The following NMBR variants were observed in gnomAD, a reference collection of about 807,000 sequenced individuals.
The protein encoded by NMBR is neuromedin-B receptor.
In NMBR, 16 loss-of-function variants were observed where a neutral mutation model predicts 20.5. That is an observed-to-expected ratio of 0.78 (90% CI 0.53 to 1.19). NMBR has a LOEUF of 1.19. Among genes scored for constraint, NMBR ranks in the 50% most tolerant of loss-of-function variants. The probability of loss-of-function intolerance (pLI) is 0.00; values close to 1 mark genes in which losing one functional copy is unlikely to be tolerated. For missense variants in NMBR, 582 were observed against 499.1 expected, an observed-to-expected ratio of 1.17 and a Z score of -1.58; for synonymous variants, 212 against 196.6, an observed-to-expected ratio of 1.08 and a Z score of -0.65.
rs141953652 is a variant in NMBR at position 142,147,070 on chromosome 6, G to A, written c.-690C>T. On this transcript the variant is annotated 5_prime_UTR_variant, in exon 1 of 4. Coordinates refer to ENST00000258042, the MANE Select transcript of NMBR (RefSeq NM_002511.4). ...AGCAGAGAGCGCTAGCGCCATGCGC[G>A]GCATAAGCGCCAAAATGCTCGGGTC... 30 of 560,956 alleles carry A rather than the reference G, an allele frequency of 5.3e-5. No homozygotes were observed. The highest frequency in any genetic ancestry group is 9.0e-5 in the Non-Finnish European group (28 of 311,622). 34.7% of individuals were successfully genotyped at this position (560,956 alleles called of 1,614,324 possible). A position where few individuals can be genotyped will look rare whatever the true frequency, so the allele number is the denominator to read the frequency against.
chr6:142,133,175 T>C (rs1778175512), intron 1 of NMBR: 1 of 685,938 alleles, frequency 1.5e-6, no homozygotes. Context: ...CTAAATTACA[T>C]CAAAAACTTC....
intron 1 of NMBR, among the ~76,000 whole-genome samples, chr6:142,145,735 G>A (rs942006364): frequency 2.0e-5 from 3 of 152,190 alleles, no homozygotes; most frequent in East Asian, 3.8e-4. Context: ...TGAATAGAGC[G>A]AGAGAAGTTT....
chr6:142,105,351 T>C (rs1255950670), intron 1 of NMBR, among the ~76,000 whole-genome samples: 1 of 152,214 alleles, frequency 6.6e-6, no homozygotes, highest in Admixed American at 6.5e-5. Flanking sequence ...CAATTAATAC[T>C]ATGTAAAATT....
At position 142,134,467 on chromosome 6, in the gene NMBR, T is replaced by C. The variant is rs1778209119; in HGVS notation, c.-664+12577A>G. The C allele has an allele frequency of 1.5e-5, 7 of 459,012 alleles. No homozygotes were observed. In the East Asian group the frequency reaches 2.3e-4, roughly 15 times the overall value. 28.4% of individuals were successfully genotyped at this position (459,012 alleles called of 1,614,324 possible). On this transcript the variant is annotated intron_variant, in intron 1 of 3. Transcript: ENST00000258042. The stretch of plus-strand genomic sequence containing the variant: ...CTCTGTTGAGAGTTAGTGGGGTTTT[T>C]TTAGTGTATTTTAGTTACATATTGA...
intron 1 of NMBR, among the ~76,000 whole-genome samples, chr6:142,141,147 T>C (rs1019112574): frequency 3.9e-5 from 6 of 152,172 alleles, no homozygotes; most frequent in African/African-American, 1.4e-4. Flanking sequence ...AGTGTGTGTG[T>C]AACATTCACC....
intron 1 of NMBR, among the ~76,000 whole-genome samples, chr6:142,096,695 G>C (rs1335338683): frequency 6.6e-6 from 1 of 152,124 alleles, no homozygotes; most frequent in African/African-American, 2.4e-5. Flanking sequence ...GGTCTGCTTG[G>C]TGCAGAGCCG....
intron 1 of NMBR, among the ~76,000 whole-genome samples, chr6:142,131,916 T>C (rs1778150386): frequency 6.6e-6 from 1 of 152,242 alleles, no homozygotes; most frequent in Non-Finnish European, 1.5e-5. Flanking sequence ...GCACTATTCC[T>C]TCTTATGCAA....
intron 1 of NMBR, among the ~76,000 whole-genome samples, chr6:142,112,452 CATT>C (rs71797082): frequency 0.35 from 53,801 of 151,782 alleles, 10,717 homozygotes; most frequent in Middle Eastern, 0.52. Flanking sequence ...AAACAATAAA[CATT>C]ATGCTCAAAT....
At chr6:142,126,821 T>C (rs1161877130) in intron 1 of NMBR, among the ~76,000 whole-genome samples, 1 of 147,872 alleles carries the variant, frequency 6.8e-6, no homozygotes, top group Non-Finnish European at 1.5e-5. Flanking sequence ...TTTTGGATAT[T>C]AACCCTTATC....
intron 1 of NMBR, among the ~76,000 whole-genome samples, chr6:142,132,015 C>A (rs1192473242): frequency 6.6e-6 from 1 of 152,176 alleles, no homozygotes; most frequent in Non-Finnish European, 1.5e-5. Flanking sequence ...GGAATATACA[C>A]AAATATCTCT....
At chr6:142,132,925 T>G (rs945204516) in intron 1 of NMBR, among the ~76,000 whole-genome samples, 1 of 152,166 alleles carries the variant, frequency 6.6e-6, no homozygotes, top group East Asian at 1.9e-4. Flanking sequence ...ATTGGCCACA[T>G]GCTCTCTGCT....
intron 1 of NMBR, among the ~76,000 whole-genome samples, chr6:142,128,010 G>A (rs978477990): frequency 2.0e-5 from 3 of 151,958 alleles, no homozygotes; most frequent in East Asian, 3.9e-4. Flanking sequence ...TCCAAATCTC[G>A]TTGAATTGTA....
At chr6:142,137,697 A>G (rs1314482290) in intron 1 of NMBR, among the ~76,000 whole-genome samples, 2 of 152,152 alleles carry the variant, frequency 1.3e-5, no homozygotes, top group East Asian at 3.9e-4. Flanking sequence ...GAGAGTTTTT[A>G]GCATGAAGCG....
intron 2 of NMBR, 27 bp downstream of exon 2, chr6:142,088,210 G>A (rs1337626478): frequency 6.3e-7 from 1 of 1,595,728 alleles, no homozygotes; most frequent in South Asian, 1.1e-5. Context: ...ACTTTTCCAA[G>A]CCACTCACAG....
Position 142,088,760 on chromosome 6 carries a change from C to G in NMBR, c.-102G>C. On this transcript the variant is annotated 5_prime_UTR_variant, in exon 2 of 4. Transcript: ENST00000258042. Reference sequence around the variant, plus strand: ...TTTAATCGATGTCCCTCCCTCTCGCCCCTGCAAGTTTACTGTCCGCGGGGC... The same window carrying G: ...TTTAATCGATGTCCCTCCCTCTCGCGCCTGCAAGTTTACTGTCCGCGGGGC... 9.2e-7 allele frequency: 1 copy of G among 1,081,138 alleles called. No homozygotes were observed. The highest frequency in any genetic ancestry group is 1.3e-6 in the Non-Finnish European group (1 of 765,926). The allele number at this position is 1,081,138 out of a possible 1,614,324, so 67.0% of individuals were successfully genotyped here. A position where few individuals can be genotyped will look rare whatever the true frequency, so the allele number is the denominator to read the frequency against.
rs529971744 is a variant in NMBR at position 142,133,763 on chromosome 6, T to C, written c.-664+13281A>G. On this transcript the variant is annotated intron_variant, in intron 1 of 3. Coordinates refer to ENST00000258042, the MANE Select transcript of NMBR (RefSeq NM_002511.4). ...CTTCAAAACTTCTTGACTCTTACAT[T>C]TTTTAAATGTGATATAAGGATTTTT... The C allele has an allele frequency of 1.9e-5, 10 of 526,880 alleles. No individual in the cohort carries two copies. The South Asian group carries it at 2.9e-4, about 15-fold the overall frequency. 32.6% of individuals were successfully genotyped at this position (526,880 alleles called of 1,614,324 possible).
chr6:142,085,377 A>G (rs903096172), intron 2 of NMBR, among the ~76,000 whole-genome samples: 23 of 152,256 alleles, frequency 1.5e-4, no homozygotes, highest in Admixed American at 1.2e-3. Flanking sequence ...TACAAAAATT[A>G]GCCAGGCATA....
intron 1 of NMBR, among the ~76,000 whole-genome samples, chr6:142,126,533 G>A (rs1778041034): frequency 6.6e-6 from 1 of 151,832 alleles, no homozygotes; most frequent in Admixed American, 6.6e-5. Context: ...CACCAACAGT[G>A]TGTACAAGTG....
At chr6:142,117,625 G>A (rs1777877697) in intron 1 of NMBR, among the ~76,000 whole-genome samples, 1 of 151,824 alleles carries the variant, frequency 6.6e-6, no homozygotes, top group South Asian at 2.1e-4. Context: ...TTACCATGAG[G>A]TTTTAATTAA....
Sources: gnomAD v4.1 joint callset for allele counts (sites outside exome capture counted in the v4.1 genomes callset) on GRCh38, gnomAD v4.1.1 for gene constraint, MANE v1.5 for transcripts, NCBI Gene and HGNC (gene_info 2026-07-23, HGNC 2026-07-21) for gene names.